GRM3: variants seen among roughly 807,000 people sequenced by gnomAD.
The protein encoded by GRM3 is metabotropic glutamate receptor 3.
In GRM3, 26 loss-of-function variants were observed where a neutral mutation model predicts 70.5. That is an observed-to-expected ratio of 0.37 (90% CI 0.27 to 0.51). GRM3 has a LOEUF of 0.51. Among genes scored for constraint, GRM3 ranks in the 20% least tolerant of loss-of-function variants. GRM3 has a pLI of 0.93. For missense variants in GRM3, 859 were observed against 1,123.8 expected, an observed-to-expected ratio of 0.76 and a Z score of 3.37; for synonymous variants, 443 against 434.9, an observed-to-expected ratio of 1.02 and a Z score of -0.23.
At chr7:86,827,968 T>C (rs541336610) in intron 3 of GRM3, among the ~76,000 whole-genome samples, 51 of 151,894 alleles carry the variant, frequency 3.4e-4, no homozygotes, top group East Asian at 2.9e-3. Flanking sequence ...AAAAATTAGC[T>C]GGGCGTGGTG....
Position 86,697,467 on chromosome 7 carries a change from G to A in GRM3, c.-141+52595G>A, listed in dbSNP as rs149440396. ...AGGGAGTGTTCAGACCTGGTTTGTC[G>A]GAGGATGGAAAAGACTTTGTTCCTT... On this transcript the variant is annotated intron_variant, in intron 1 of 5. Coordinates refer to ENST00000361669, the MANE Select transcript of GRM3 (RefSeq NM_000840.3). Among the ~76,000 whole-genome samples, 241 of 152,098 alleles carry A rather than the reference G, an allele frequency of 1.6e-3. 2 individuals are homozygous for A. The highest frequency in any genetic ancestry group is 5.5e-3 in the African/African-American group (227 of 41,510).
intron 5 of GRM3, among the ~76,000 whole-genome samples, chr7:86,859,765 T>G (rs900567912): frequency 1.3e-5 from 2 of 152,174 alleles, no homozygotes. Flanking sequence ...ATAAATATAT[T>G]TAGCATTGAT....
intron 1 of GRM3, among the ~76,000 whole-genome samples, chr7:86,710,715 G>A (rs1379023789): frequency 6.6e-6 from 1 of 151,948 alleles, no homozygotes; most frequent in South Asian, 2.1e-4. Context: ...CCCAACTCTA[G>A]TAAACAGTGT....
At chr7:86,663,782 A>C (rs1793956754) in intron 1 of GRM3, among the ~76,000 whole-genome samples, 1 of 151,988 alleles carries the variant, frequency 6.6e-6, no homozygotes, top group South Asian at 2.1e-4. Context: ...GAGACAGAAT[A>C]ATCATATGTC....
At chr7:86,761,412 C>T (rs1253784846) in intron 1 of GRM3, among the ~76,000 whole-genome samples, 1 of 152,096 alleles carries the variant, frequency 6.6e-6, no homozygotes, top group Non-Finnish European at 1.5e-5. Context: ...TTGCATGATA[C>T]AAATTCATTA....
chr7:86,707,081 G>A (rs1795077131), intron 1 of GRM3, among the ~76,000 whole-genome samples: 1 of 152,012 alleles, frequency 6.6e-6, no homozygotes, highest in Admixed American at 6.6e-5. Flanking sequence ...GTAATTTCTT[G>A]ATGAGTTTTT....
chr7:86,692,553 A>ATC (rs775734932), intron 1 of GRM3, among the ~76,000 whole-genome samples: 7 of 152,070 alleles, frequency 4.6e-5, no homozygotes, highest in East Asian at 3.9e-4. Flanking sequence ...CACCTGCCAC[A>ATC]TCTCTCTCTC....
intron 1 of GRM3, among the ~76,000 whole-genome samples, chr7:86,697,124 G>A (rs1381791928): frequency 6.6e-6 from 1 of 152,022 alleles, no homozygotes; most frequent in Non-Finnish European, 1.5e-5. Context: ...GAAGGAGAAG[G>A]GAAGTAGGAA....
intron 3 of GRM3, among the ~76,000 whole-genome samples, chr7:86,827,957 A>AG (rs1478698190): frequency 6.6e-6 from 1 of 151,900 alleles, no homozygotes; most frequent in East Asian, 1.9e-4. Context: ...CTAAAAATAC[A>AG]AAAAATTAGC....
chr7:86,815,646 C>T (rs1436844595), intron 3 of GRM3, among the ~76,000 whole-genome samples: 1 of 151,722 alleles, frequency 6.6e-6, no homozygotes, highest in Non-Finnish European at 1.5e-5. Flanking sequence ...TTTACTACAC[C>T]CTTATAGATT....
intron 4 of GRM3, among the ~76,000 whole-genome samples, chr7:86,842,913 T>C (rs1798584589): frequency 6.6e-6 from 1 of 152,170 alleles, no homozygotes; most frequent in African/African-American, 2.4e-5. Context: ...TTTTACCCCG[T>C]AACCTTGGCA....
At chr7:86,798,274 C>T (rs1797601891) in intron 3 of GRM3, among the ~76,000 whole-genome samples, 1 of 152,154 alleles carries the variant, frequency 6.6e-6, no homozygotes, top group South Asian at 2.1e-4. Flanking sequence ...GGAAAAGCCG[C>T]AGACACTCAA....
intron 2 of GRM3, among the ~76,000 whole-genome samples, chr7:86,778,845 C>G (rs1027840255): frequency 6.6e-6 from 1 of 152,106 alleles, no homozygotes; most frequent in African/African-American, 2.4e-5. Context: ...GAAGTTCCAA[C>G]CCCCAGTACC....
intron 3 of GRM3, among the ~76,000 whole-genome samples, chr7:86,822,584 G>C (rs1407623087): frequency 6.6e-6 from 1 of 152,176 alleles, no homozygotes; most frequent in Non-Finnish European, 1.5e-5. Flanking sequence ...GGAGCACTTA[G>C]GTTCTGTCAT....
chr7:86,824,111 G>A (rs990415834), intron 3 of GRM3, among the ~76,000 whole-genome samples: 5 of 152,150 alleles, frequency 3.3e-5, no homozygotes, highest in Non-Finnish European at 7.3e-5. Context: ...GTCAGCCAGT[G>A]AAGGTAGAAC....
At chr7:86,671,176 G>A (rs1794162490) in intron 1 of GRM3, among the ~76,000 whole-genome samples, 1 of 152,160 alleles carries the variant, frequency 6.6e-6, no homozygotes, top group African/African-American at 2.4e-5. Context: ...CACTACAGGT[G>A]CCTTCCTCCA....
intron 3 of GRM3, among the ~76,000 whole-genome samples, chr7:86,821,917 A>G (rs1798128771): frequency 6.6e-6 from 1 of 151,988 alleles, no homozygotes; most frequent in African/African-American, 2.4e-5. Flanking sequence ...TATTTGTGAA[A>G]TAATTACATC....
intron 1 of GRM3, among the ~76,000 whole-genome samples, chr7:86,651,707 C>A (rs923882400): frequency 1.3e-5 from 2 of 152,100 alleles, no homozygotes; most frequent in Non-Finnish European, 2.9e-5. Context: ...GGTAGCCAGA[C>A]CATACCTAAC....
intron 3 of GRM3, among the ~76,000 whole-genome samples, chr7:86,833,416 AAG>A (rs760347680): frequency 8.5e-6 from 1 of 118,196 alleles, no homozygotes; most frequent in Non-Finnish European, 1.9e-5. Context: ...AATAATAATA[AAG>A]AAAAAAAAGA....
Sources: gnomAD v4.1 joint callset for allele counts (sites outside exome capture counted in the v4.1 genomes callset) on GRCh38, gnomAD v4.1.1 for gene constraint, MANE v1.5 for transcripts, NCBI Gene and HGNC (gene_info 2026-07-23, HGNC 2026-07-21) for gene names.